Variants in EXD2 observed in about 807,000 individuals in gnomAD.
EXD2 encodes the protein exonuclease 3'-5' domain containing 2.
In EXD2, 40 loss-of-function variants were observed where a neutral mutation model predicts 62.5. That is an observed-to-expected ratio of 0.64 (90% CI 0.50 to 0.83). The LOEUF is 0.83. EXD2 is among the 40% of genes least tolerant of loss of function. The pLI is 0.00. For synonymous variants in EXD2, 239 were observed against 291.9 expected, an observed-to-expected ratio of 0.82 and a Z score of 1.85; for missense variants, 671 against 761.8, an observed-to-expected ratio of 0.88 and a Z score of 1.40.
At chr14:69,214,624 A>C (rs1039342455) in intron 3 of EXD2, among the ~76,000 whole-genome samples, 1 of 152,198 alleles carries the variant, frequency 6.6e-6, no homozygotes, top group Non-Finnish European at 1.5e-5. Flanking sequence ...AAGAAACGTA[A>C]GATTGCTAGG....
At chr14:69,217,700 C>T (rs189315130) in intron 3 of EXD2, among the ~76,000 whole-genome samples, 12 of 152,244 alleles carry the variant, frequency 7.9e-5, no homozygotes, top group African/African-American at 2.2e-4. Context: ...TCCCCCCACT[C>T]CATGACAGGC....
Position 69,228,674 on chromosome 14 carries a change from C to T in EXD2, c.334-142C>T, listed in dbSNP as rs192158736. On this transcript the variant is annotated intron_variant, in intron 3 of 9. Transcript: ENST00000685843. Reference sequence around the variant, plus strand: ...ATTGCATTTGTTACTGTAGACTTATCTGTAGATGCAAACCAAAACCTGGTC... The same window carrying T: ...ATTGCATTTGTTACTGTAGACTTATTTGTAGATGCAAACCAAAACCTGGTC... 2.9e-4 allele frequency: 290 copies of T among 1,015,018 alleles called. No homozygotes were observed. In the African/African-American group the frequency reaches 4.2e-3, roughly 15 times the overall value. 62.9% of individuals were successfully genotyped at this position (1,015,018 alleles called of 1,614,324 possible).
intron 5 of EXD2, among the ~76,000 whole-genome samples, chr14:69,231,404 C>T (rs949107758): frequency 4.6e-5 from 7 of 152,120 alleles, no homozygotes; most frequent in Non-Finnish European, 8.8e-5. Flanking sequence ...CTTGCAGCTC[C>T]CCTGTCCCCG....
rs776445969 is a variant in EXD2, at chr14:69,241,148, T to C, written c.*48T>C. 1.4e-5 allele frequency: 21 copies of C among 1,530,658 alleles called. No homozygotes were observed. The highest frequency in any genetic ancestry group is 2.4e-4 in the Middle Eastern group (1 of 4,244). 94.8% of individuals were successfully genotyped at this position (1,530,658 alleles called of 1,614,324 possible). A position where few individuals can be genotyped will look rare whatever the true frequency, so the allele number is the denominator to read the frequency against. ...GACAAGTGGGAAGCTGGAGCCAAGGTTGAAGAGTCACCTCTTCCCATTTTA... is the reference window on the plus strand; with the variant it reads ...GACAAGTGGGAAGCTGGAGCCAAGGCTGAAGAGTCACCTCTTCCCATTTTA... On this transcript the variant is annotated 3_prime_UTR_variant, in exon 10 of 10. Transcript: ENST00000685843.
chr14:69,206,122 A>T lies in EXD2; in HGVS notation c.-48+2122A>T, dbSNP rs536797491. Among the ~76,000 whole-genome samples the T allele has an allele frequency of 2.6e-5, 4 of 151,962 alleles. No individual in the cohort carries two copies. The East Asian group carries it at 7.8e-4, about 30-fold the overall frequency. ...TTAGTAGAGAGACGGGCTTTCACTA[A>T]GTTGGCCAGGCTGATTTCAAACTCC... On this transcript the variant is annotated intron_variant, in intron 2 of 9. Coordinates refer to ENST00000685843, the MANE Select transcript of EXD2 (RefSeq NM_001193360.2).
rs545585953 is a variant in EXD2 at position 69,197,426 on chromosome 14, T to A, written c.-132+5835T>A. On this transcript the variant is annotated intron_variant, in intron 1 of 9. Transcript: ENST00000685843. ...GTCTCGATGGTTGATTCATTCTTTT[T>A]TTTTTATAATTTCAACTTTTATTTT... 9.2e-5 allele frequency among the ~76,000 whole-genome samples: 14 copies of A among 152,314 alleles called. No individual in the cohort carries two copies. In the South Asian group the frequency reaches 2.7e-3, roughly 29 times the overall value.
intron 3 of EXD2, among the ~76,000 whole-genome samples, chr14:69,219,160 T>C (rs1259040471): frequency 6.6e-6 from 1 of 152,234 alleles, no homozygotes; most frequent in Non-Finnish European, 1.5e-5. Flanking sequence ...TTCTTCCATT[T>C]GTTTGTGTCC....
intron 3 of EXD2, among the ~76,000 whole-genome samples, chr14:69,213,373 CTTT>C (rs150182640): frequency 4.4e-5 from 4 of 90,000 alleles, no homozygotes; most frequent in Admixed American, 2.8e-4. Flanking sequence ...ATGCTGGGCC[CTTT>C]TTTTTTTTTT....
Position 69,243,128 on chromosome 14 carries a change from A to G in EXD2, c.*2028A>G, listed in dbSNP as rs1207630257. 1.3e-5 allele frequency: 2 copies of G among 152,198 alleles called. No individual in the cohort carries two copies. The allele number at this position is 152,198 out of a possible 1,614,324, so 9.4% of individuals were successfully genotyped here. A position where few individuals can be genotyped will look rare whatever the true frequency, so the allele number is the denominator to read the frequency against. The stretch of plus-strand genomic sequence containing the variant: ...CAAGATTTCTCATCCTTTTCAGGAG[A>G]GAGTCACTGTGTAGATTTGAATCTT... On this transcript the variant is annotated 3_prime_UTR_variant, in exon 10 of 10. Transcript: ENST00000685843.
Position 69,240,949 on chromosome 14 carries a change from T to C in EXD2, c.1715T>C (p.Leu572Pro), listed in dbSNP as rs765334802. ...KVVQCHSQGG[L>P]RSLMQLESRW... is the part of the protein sequence containing the mutation. Reference sequence around the variant, plus strand: ...GTGCAGTGTCACAGCCAGGGTGGCCTGCGCTCCCTCATGCAGCTGGAGAGC... The same window carrying C: ...GTGCAGTGTCACAGCCAGGGTGGCCCGCGCTCCCTCATGCAGCTGGAGAGC... The change falls in exon 10 of 10, where the codon CTG (leucine) becomes CCG (proline). Residue 572 changes from leucine to proline, a missense_variant. Physicochemically the swap from Leu to Pro is moderately conservative, Grantham distance 98. Coordinates refer to ENST00000685843, the MANE Select transcript of EXD2 (RefSeq NM_001193360.2). 6.2e-7 allele frequency: 1 copy of C among 1,613,664 alleles called. No homozygotes were observed. Among genetic ancestry groups the C allele is most frequent in the African/African-American group, 1.3e-5 (1 of 75,020 alleles).
In EXD2 at chr14:69,206,455, C is replaced by CCTTTTTTTTTTTTTTTTTTTT. The variant is rs60787528; in HGVS notation, c.-48+2455_-48+2456insCTTTTTTTTTTTTTTTTTTTT. ...CCCAGCTTCATCTCCCACCCACCCA[C>CCTTTTTTTTTTTTTTTTTTTT]TTTTTTTTTTTTTTTTTTTTTTTTT... On this transcript the variant is annotated intron_variant, in intron 2 of 9. Transcript: ENST00000685843. 9.9e-4 allele frequency among the ~76,000 whole-genome samples: 94 copies of CCTTTTTTTTTTTTTTTTTTTT among 94,642 alleles called. 28 individuals are homozygous for CCTTTTTTTTTTTTTTTTTTTT. Among genetic ancestry groups the CCTTTTTTTTTTTTTTTTTTTT allele is most frequent in the African/African-American group, 2.1e-3 (47 of 22,180 alleles). The allele number at this position is 94,642 out of a possible 152,430, so 62.1% of individuals were successfully genotyped here. A position where few individuals can be genotyped will look rare whatever the true frequency, so the allele number is the denominator to read the frequency against.
At position 69,242,204 on chromosome 14, in the gene EXD2, C is replaced by G. The variant is rs1256976593; in HGVS notation, c.*1104C>G. 2.5e-6 allele frequency: 1 copy of G among 395,884 alleles called. No individual in the cohort carries two copies. The highest frequency in any genetic ancestry group is 2.1e-5 in the African/African-American group (1 of 48,560). The allele number at this position is 395,884 out of a possible 1,614,324, so 24.5% of individuals were successfully genotyped here. On this transcript the variant is annotated 3_prime_UTR_variant, in exon 10 of 10. Coordinates refer to ENST00000685843, the MANE Select transcript of EXD2 (RefSeq NM_001193360.2). Reference sequence around the variant, plus strand: ...GACTTATTAATGATTAGTAATTTTTCTAAAGTATTGGGAAAACTTTCTTAT... The same window carrying G: ...GACTTATTAATGATTAGTAATTTTTGTAAAGTATTGGGAAAACTTTCTTAT...
chr14:69,221,591 A>C (rs887617403), intron 3 of EXD2, among the ~76,000 whole-genome samples: 3 of 151,466 alleles, frequency 2.0e-5, no homozygotes, highest in Non-Finnish European at 2.9e-5. Flanking sequence ...ACACAATGAG[A>C]ATCTGTCTTT....
At chr14:69,219,193 G>T (rs965227759) in intron 3 of EXD2, among the ~76,000 whole-genome samples, 1 of 152,146 alleles carries the variant, frequency 6.6e-6, no homozygotes, top group Non-Finnish European at 1.5e-5. Flanking sequence ...TTGAGCAGTG[G>T]TTTGTAGTTC....
chr14:69,209,567 A>G lies in EXD2; in HGVS notation c.97A>G (p.Arg33Gly). The G allele has an allele frequency of 6.4e-7, 1 of 1,550,606 alleles. No homozygotes were observed. The highest frequency in any genetic ancestry group is 8.7e-7 in the Non-Finnish European group (1 of 1,147,004). Residue 33 changes from arginine (R) to glycine (G), a missense_variant, in exon 3 of 10, where the codon AGG becomes GGG. Coordinates refer to ENST00000685843, the MANE Select transcript of EXD2 (RefSeq NM_001193360.2). Reference protein sequence around the residue: ...VLWKGIQRRRRSKTSPVTQQP... With the variant: ...VLWKGIQRRRGSKTSPVTQQP... Reference sequence around the variant, plus strand: ...CTGGAAAGGCATCCAGCGCCGCCGAAGGAGTAAAACGAGTCCTGTGACCCA... The same window carrying G: ...CTGGAAAGGCATCCAGCGCCGCCGAGGGAGTAAAACGAGTCCTGTGACCCA...
rs77875088 is a variant in EXD2, at chr14:69,235,875, G to A, written c.1050-171G>A. ...ATTTTTAGTTCTGTTTCCTAGCCCA[G>A]TGCAGGTGAGGATTAAACATGGTTT... On this transcript the variant is annotated intron_variant, in intron 6 of 9. Coordinates refer to ENST00000685843, the MANE Select transcript of EXD2 (RefSeq NM_001193360.2). 4.2e-3 allele frequency: 2,788 copies of A among 669,940 alleles called. 53 individuals are homozygous for A. The African/African-American group carries it at 0.046, about 11-fold the overall frequency. 41.5% of individuals were successfully genotyped at this position (669,940 alleles called of 1,614,324 possible).
chr14:69,231,055 A>G (rs754092784), intron 5 of EXD2, among the ~76,000 whole-genome samples: 9 of 152,132 alleles, frequency 5.9e-5, no homozygotes, highest in Non-Finnish European at 1.3e-4. Context: ...GGTGTGAGCT[A>G]CCGAGCCTGG....
chr14:69,235,708 A>T, intron 6 of EXD2: 1 of 333,900 alleles, frequency 3.0e-6, no homozygotes, highest in Non-Finnish European at 5.7e-6. Flanking sequence ...TTTTTAATGT[A>T]CTTTGTTTAA....
chr14:69,218,510 T>C (rs1266882001), intron 3 of EXD2, among the ~76,000 whole-genome samples: 3 of 152,214 alleles, frequency 2.0e-5, no homozygotes, highest in Non-Finnish European at 4.4e-5. Context: ...TTTCTTTTGC[T>C]GTGCAGAAGC....
Sources: gnomAD v4.1 joint callset for allele counts (sites outside exome capture counted in the v4.1 genomes callset) on GRCh38, gnomAD v4.1.1 for gene constraint, MANE v1.5 for transcripts, NCBI Gene and HGNC (gene_info 2026-07-23, HGNC 2026-07-21) for gene names.